The following FCRL4 variants were observed in gnomAD, a reference collection of about 807,000 sequenced individuals.
FCRL4 encodes Fc receptor like 4, also known as Fc receptor-like protein 4.
Under a neutral mutation model 64.1 loss-of-function variants are expected in FCRL4, and 43 were observed. The observed-to-expected ratio is 0.67, with a 90% CI of 0.53 to 0.87. The LOEUF is 0.87. Ranked by LOEUF, FCRL4 falls within the 40% of genes least tolerant of loss-of-function variation. The pLI is 0.00. For missense variants in FCRL4, 656 were observed against 613.5 expected (o/e 1.07, Z -0.73); for synonymous variants, 253 against 239.8 (o/e 1.05, Z -0.51).
chr1:157,579,699 A>AATACATACATACATAC lies in FCRL4; in HGVS notation c.1277+606_1277+621dup, dbSNP rs71084243. 2.2e-3 allele frequency among the ~76,000 whole-genome samples: 266 copies of AATACATACATACATAC among 123,716 alleles called. 3 individuals carry two copies. The highest frequency in any genetic ancestry group is 7.6e-3 in the East Asian group (35 of 4,582). 81.2% of individuals were successfully genotyped at this position (123,716 alleles called of 152,430 possible). ...GCCACTGCACTCCAGCCTGGGTGAC[A>AATACATACATACATAC]ATACATACATACATACATACATACA... is the stretch of plus-strand genomic sequence containing the variant. On this transcript the variant is annotated intron_variant, in intron 8 of 11. Coordinates refer to ENST00000271532, the MANE Select transcript of FCRL4 (RefSeq NM_031282.3).
chr1:157,593,775 G>A (rs931484091), intron 2 of FCRL4, among the ~76,000 whole-genome samples: 2 of 152,068 alleles, frequency 1.3e-5, no homozygotes, highest in Non-Finnish European at 2.9e-5. Context: ...CTGTTTCCGA[G>A]GCTCTTTTTA....
intron 2 of FCRL4, among the ~76,000 whole-genome samples, chr1:157,595,404 G>A (rs957541330): frequency 2.6e-5 from 4 of 152,092 alleles, no homozygotes; most frequent in Non-Finnish European, 4.4e-5. Context: ...GATTTCCTTT[G>A]ATGTATGCAA....
chr1:157,586,352 C>A lies in FCRL4; in HGVS notation c.951G>T (p.Gly317=), dbSNP rs376872127. The change falls in exon 6 of 12, where the codon GGG becomes GGT. Residue 317 remains glycine (G), a synonymous_variant. Coordinates refer to ENST00000271532, the MANE Select transcript of FCRL4 (RefSeq NM_031282.3). ...CTCGGTGCCAGGAGAATGTGGTATC[C>A]CCTGTGCCTTCAGCCACGGAGCAGA... is the stretch of plus-strand genomic sequence containing the variant. ...VLVCSVAEGT[G]DTTFSWHRED... is the part of the protein sequence containing the mutation. 6 of 1,613,582 alleles carry A rather than the reference C, an allele frequency of 3.7e-6. No individual in the cohort carries two copies. The highest frequency in any genetic ancestry group is 3.4e-6 in the Non-Finnish European group (4 of 1,179,984).
At chr1:157,588,713 C>T (rs879784698) in intron 3 of FCRL4, among the ~76,000 whole-genome samples, 1 of 152,190 alleles carries the variant, frequency 6.6e-6, no homozygotes, top group Admixed American at 6.5e-5. Flanking sequence ...AAATCATTAT[C>T]CATCAGGTAA....
At chr1:157,580,135 G>A (rs981897711) in intron 8 of FCRL4, among the ~76,000 whole-genome samples, 186 bp downstream of exon 8, 2 of 152,182 alleles carry the variant, frequency 1.3e-5, no homozygotes, top group African/African-American at 4.8e-5. Context: ...TGCATGTATT[G>A]CAAACTATTA....
At chr1:157,581,694 G>A (rs1435810800) in intron 6 of FCRL4, 50 bp from the exon 7 acceptor site, 26 of 1,462,412 alleles carry the variant, frequency 1.8e-5, no homozygotes, top group Non-Finnish European at 2.5e-5. Context: ...TCAGGGTTTG[G>A]GATTGCCTTT....
chr1:157,584,003 T>C (rs1652619034), intron 6 of FCRL4, among the ~76,000 whole-genome samples: 1 of 152,164 alleles, frequency 6.6e-6, no homozygotes, highest in South Asian at 2.1e-4. Context: ...AAATGATACA[T>C]GTGAAGTGGC....
At position 157,597,922 on chromosome 1, in the gene FCRL4, A is replaced by G; in HGVS notation, c.23T>C (p.Leu8Pro). Residue 8 changes from leucine (L) to proline (P), a missense_variant, in exon 1 of 12, where the codon CTG becomes CCG. Transcript: ENST00000271532. MLLWASL[L>P]AFAPVCGQSA... is the part of the protein sequence containing the mutation. The stretch of plus-strand genomic sequence containing the variant: ...TCCTCCCCATCACTTACCAAAGGCC[A>G]GCAAGGACGCCCACAGCAGCATGGA... The G allele has an allele frequency of 1.9e-6, 3 of 1,613,504 alleles. No individual in the cohort carries two copies. Among genetic ancestry groups the G allele is most frequent in the African/African-American group, 1.3e-5 (1 of 75,036 alleles).
Position 157,588,078 on chromosome 1 carries a change from C to T in FCRL4, c.349G>A (p.Asp117Asn). 1 of 1,613,796 alleles carries T rather than the reference C, an allele frequency of 6.2e-7. No individual in the cohort carries two copies. The highest frequency in any genetic ancestry group is 1.7e-5 in the Admixed American group (1 of 59,994). Residue 117 changes from aspartate (D) to asparagine (N), a missense_variant, in exon 4 of 12, where the codon GAC (aspartate) becomes AAC (asparagine). Coordinates refer to ENST00000271532, the MANE Select transcript of FCRL4 (RefSeq NM_031282.3). ...CTGTGGCATCTCAGAACCAATGTGT[C>T]ACCTTCAAACACAGAATATGGTGCC... ...LQAPYSVFEG[D>N]TLVLRCHRRR...
chr1:157,583,900 C>T (rs1272718259), intron 6 of FCRL4, among the ~76,000 whole-genome samples: 1 of 152,198 alleles, frequency 6.6e-6, no homozygotes, highest in African/African-American at 2.4e-5. Flanking sequence ...GCAAACATCA[C>T]TGGATCCTTG....
In FCRL4 at chr1:157,586,179, A is replaced by G; in HGVS notation, c.1124T>C (p.Val375Ala). ...AGATTAAAACTCACCTCTCACAGTGACATTCAGCACCATGCTCTGGACAGG... is the reference window on the plus strand; with the variant it reads ...AGATTAAAACTCACCTCTCACAGTGGCATTCAGCACCATGCTCTGGACAGG... Reference protein sequence around the residue: ...YGPVQSMVLNVTVRETPGNRD... With the variant: ...YGPVQSMVLNATVRETPGNRD... Residue 375 changes from valine (V) to alanine (A), a missense_variant, in exon 6 of 12, where the codon GTC (valine) becomes GCC (alanine). Val to Ala is a moderately conservative substitution (Grantham distance 64, BLOSUM62 0). Coordinates refer to ENST00000271532, the MANE Select transcript of FCRL4 (RefSeq NM_031282.3). 6.2e-7 allele frequency: 1 copy of G among 1,605,590 alleles called. No homozygotes were observed. Among genetic ancestry groups the G allele is most frequent in the East Asian group, 2.2e-5 (1 of 44,616 alleles).
chr1:157,586,041 T>C, intron 6 of FCRL4, 127 bp downstream of exon 6: 1 of 918,464 alleles, frequency 1.1e-6, no homozygotes. Flanking sequence ...AGAAATTGTT[T>C]ATCACAGTGG....
chr1:157,587,439 G>A lies in FCRL4; in HGVS notation c.684C>T (p.Asn228=), dbSNP rs1652728008. 2 of 1,614,276 alleles carry A rather than the reference G, an allele frequency of 1.2e-6. No homozygotes were observed. Among genetic ancestry groups the A allele is most frequent in the Non-Finnish European group, 1.7e-6 (2 of 1,180,044 alleles). Residue 228 remains asparagine, a synonymous_variant, in exon 5 of 12, where the codon AAC becomes AAT. Coordinates refer to ENST00000271532, the MANE Select transcript of FCRL4 (RefSeq NM_031282.3). ...GGATGACCTCGCCATCTCTGAAGAA[G>A]TTGAAGTGAAGTGGGGTGTCTGACC... ...PERSDTPLHF[N]FFRDGEVILS...
intron 7 of FCRL4, among the ~76,000 whole-genome samples, chr1:157,581,002 C>A (rs1299712220): frequency 3.3e-5 from 5 of 152,186 alleles, no homozygotes; most frequent in African/African-American, 4.8e-5. Flanking sequence ...GGGAGGCTGA[C>A]CTGAGGAGAG....
intron 3 of FCRL4, among the ~76,000 whole-genome samples, chr1:157,588,634 A>T (rs1018289898): frequency 2.0e-4 from 31 of 152,316 alleles, no homozygotes; most frequent in African/African-American, 6.0e-4. Flanking sequence ...GAGGTTAGCT[A>T]TATCTCTTCT....
rs1470053357 is a variant in FCRL4 at position 157,587,549 on chromosome 1, G to A, written c.574C>T (p.His192Tyr). 11 of 1,613,618 alleles carry A rather than the reference G, an allele frequency of 6.8e-6. No individual in the cohort carries two copies. The highest frequency in any genetic ancestry group is 1.1e-5 in the South Asian group (1 of 91,082). ...KIIKIQELFPHPELKATDSQP... is the reference protein window; with the variant it reads ...KIIKIQELFPYPELKATDSQP... ...GAGTCTGTAGCTTTCAGCTCTGGAT[G>A]TGGAAATAGTTCTAGAGAGAAGAGG... Residue 192 changes from histidine to tyrosine, a missense_variant, in exon 5 of 12, where the codon CAT becomes TAT. Coordinates refer to ENST00000271532, the MANE Select transcript of FCRL4 (RefSeq NM_031282.3).
At chr1:157,585,344 C>CTCTTCCTTTCTTTCTTTCTTTCTTTCTT (rs1553276893) in intron 6 of FCRL4, among the ~76,000 whole-genome samples, 1 of 81,276 alleles carries the variant, frequency 1.2e-5, no homozygotes, top group African/African-American at 4.4e-5. Flanking sequence ...CTTTCTCTCT[C>CTCTTCCTTTCTTTCTTTCTTTCTTTCTT]TCTTTCTTTC....
chr1:157,589,340 C>A lies in FCRL4; in HGVS notation c.171G>T (p.Trp57Cys). The change falls in exon 3 of 12, where the codon TGG becomes TGT. Residue 57 changes from tryptophan to cysteine, a missense_variant. By Grantham distance (215) the Trp-to-Cys change is radical. Coordinates refer to ENST00000271532, the MANE Select transcript of FCRL4 (RefSeq NM_031282.3). ...TTTCTCCCCAGTAGTGCCGATGATA[C>A]CATGTTGTTTTCTCTGTTGCATAGA... ...FQFYATEKTT[W>C]YHRHYWGEKL... The A allele has an allele frequency of 6.2e-7, 1 of 1,614,156 alleles. No homozygotes were observed. The highest frequency in any genetic ancestry group is 1.1e-5 in the South Asian group (1 of 91,080).
rs368389272 is a variant in FCRL4, at chr1:157,578,546, G to A, written c.1361-4C>T. 3 of 1,612,792 alleles carry A rather than the reference G, an allele frequency of 1.9e-6. No individual in the cohort carries two copies. The highest frequency in any genetic ancestry group is 1.3e-5 in the African/African-American group (1 of 74,900). On this transcript the variant is annotated splice_region_variant and splice_polypyrimidine_tract_variant and intron_variant, in intron 9 of 11. Coordinates refer to ENST00000271532, the MANE Select transcript of FCRL4 (RefSeq NM_031282.3). ...AAATCTCCCTTTTTGGGGTGTACTG[G>A]AAAGAAAAGACATTTTCAAGGCTGT...
Sources: gnomAD v4.1 joint callset for allele counts (sites outside exome capture counted in the v4.1 genomes callset) on GRCh38, gnomAD v4.1.1 for gene constraint, MANE v1.5 for transcripts, NCBI Gene and HGNC (gene_info 2026-07-23, HGNC 2026-07-21) for gene names.